CMSS1: variants seen among roughly 807,000 people sequenced by gnomAD.
CMSS1 encodes the protein cms1 ribosomal small subunit homolog.
A neutral mutation model predicts 43.5 loss-of-function variants in CMSS1; 33 were observed. The ratio of observed to expected loss-of-function variants is 0.76; its 90% CI spans 0.57 to 1.01. The LOEUF is 1.01. Among genes scored for constraint, CMSS1 ranks in the 50% least tolerant of loss-of-function variants. The pLI, the probability that CMSS1 is intolerant of heterozygous loss-of-function variation, is 0.00. For synonymous variants in CMSS1, 115 were observed against 117.2 expected, an observed-to-expected ratio of 0.98 and a Z score of 0.12; for missense variants, 313 against 326.4, an observed-to-expected ratio of 0.96 and a Z score of 0.32.
In CMSS1 at chr3:99,829,613, TCTC is replaced by T. The variant is rs556454040; in HGVS notation, c.64+11573_64+11575del. Among the ~76,000 whole-genome samples the T allele has an allele frequency of 3.1e-3, 469 of 152,286 alleles. 4 individuals are homozygous for T. Among genetic ancestry groups the T allele is most frequent in the African/African-American group, 0.011 (443 of 41,544 alleles). On this transcript the variant is annotated intron_variant, in intron 1 of 9. Transcript: ENST00000421999. ...TGAAAATCTAGGATTGGAATTTGAGTCTCCTAACCCCAAGCTTTTGTTGAATCA... is the reference window on the plus strand; with the variant it reads ...TGAAAATCTAGGATTGGAATTTGAGTCTAACCCCAAGCTTTTGTTGAATCA...
intron 1 of CMSS1, among the ~76,000 whole-genome samples, chr3:100,034,024 G>A (rs1050250245): frequency 2.0e-5 from 3 of 152,134 alleles, no homozygotes; most frequent in Non-Finnish European, 4.4e-5. Context: ...AAGAAACATG[G>A]TGCTATTATT....
At chr3:99,955,792 A>G (rs1273738222) in intron 1 of CMSS1, among the ~76,000 whole-genome samples, 4 of 152,292 alleles carry the variant, frequency 2.6e-5, no homozygotes, top group Non-Finnish European at 5.9e-5. Context: ...GGAAGGAAAT[A>G]AGATGGAATT....
intron 1 of CMSS1, among the ~76,000 whole-genome samples, chr3:100,056,959 G>A (rs754883884): frequency 4.6e-5 from 7 of 152,002 alleles, no homozygotes; most frequent in South Asian, 2.1e-4. Context: ...AGCCGAGATC[G>A]CACCACTGCA....
chr3:99,847,089 C>A (rs1943397865), intron 1 of CMSS1, among the ~76,000 whole-genome samples: 1 of 152,132 alleles, frequency 6.6e-6, no homozygotes, highest in Admixed American at 6.5e-5. Context: ...ATAATAATCA[C>A]AGAAGAAATT....
At chr3:100,054,898 G>A (rs1426822145) in intron 1 of CMSS1, among the ~76,000 whole-genome samples, 4 of 152,204 alleles carry the variant, frequency 2.6e-5, no homozygotes, top group African/African-American at 9.6e-5. Context: ...TTAGTCTCAT[G>A]TTATTCTGTT....
chr3:99,840,455 C>A (rs371378949), intron 1 of CMSS1, among the ~76,000 whole-genome samples: 21 of 152,146 alleles, frequency 1.4e-4, no homozygotes, highest in African/African-American at 5.1e-4. Context: ...AACTCCTGAC[C>A]TCATGATCTG....
chr3:100,135,400 G>A (rs1316040904), intron 1 of CMSS1, among the ~76,000 whole-genome samples: 1 of 151,414 alleles, frequency 6.6e-6, no homozygotes, highest in Non-Finnish European at 1.5e-5. Context: ...CCCCTGATGT[G>A]GACTAATGAT....
intron 2 of CMSS1, among the ~76,000 whole-genome samples, chr3:100,154,530 T>A (rs910999944): frequency 6.6e-6 from 1 of 152,232 alleles, no homozygotes; most frequent in Admixed American, 6.5e-5. Flanking sequence ...TTGGTGAGTG[T>A]GTATTGAATA....
chr3:99,850,468 A>T (rs746186263), intron 1 of CMSS1: 1 of 1,613,814 alleles, frequency 6.2e-7, no homozygotes, highest in African/African-American at 1.3e-5. Context: ...CTCCCTTTCA[A>T]GCCTCTTATT....
chr3:100,112,396 T>C (rs140226569), intron 1 of CMSS1, among the ~76,000 whole-genome samples: 137 of 152,310 alleles, frequency 9.0e-4, no homozygotes, highest in African/African-American at 3.1e-3. Flanking sequence ...GGCAGTCTCC[T>C]ACAATAGCAC....
At chr3:100,175,420 G>A (rs899752473) in intron 8 of CMSS1, among the ~76,000 whole-genome samples, 1 of 152,176 alleles carries the variant, frequency 6.6e-6, no homozygotes, top group Non-Finnish European at 1.5e-5. Flanking sequence ...TTTCATTCCA[G>A]AGAGGCTGTA....
intron 1 of CMSS1, among the ~76,000 whole-genome samples, chr3:100,019,399 C>A (rs2064763813): frequency 6.6e-6 from 1 of 152,012 alleles, no homozygotes. Context: ...ACCTCTCAAA[C>A]CTTACCCTTA....
At position 100,162,292 on chromosome 3, in the gene CMSS1, T is replaced by C; in HGVS notation, c.226-11T>C. On this transcript the variant is annotated splice_polypyrimidine_tract_variant and intron_variant, in intron 3 of 9. Coordinates refer to ENST00000421999, the MANE Select transcript of CMSS1 (RefSeq NM_032359.4). Reference sequence around the variant, plus strand: ...TATGTCGTCCCATTTTTCTTCTTTCTCATATCTTAGAAGAAAATTACTGAT... The same window carrying C: ...TATGTCGTCCCATTTTTCTTCTTTCCCATATCTTAGAAGAAAATTACTGAT... 6.2e-7 allele frequency: 1 copy of C among 1,605,308 alleles called. No individual in the cohort carries two copies. Among genetic ancestry groups the C allele is most frequent in the Non-Finnish European group, 8.5e-7 (1 of 1,176,388 alleles).
chr3:99,924,815 C>T (rs1707239376), intron 1 of CMSS1, among the ~76,000 whole-genome samples: 1 of 152,146 alleles, frequency 6.6e-6, no homozygotes, highest in Admixed American at 6.5e-5. Flanking sequence ...AGCCACGGCG[C>T]CCGGCCAGCA....
chr3:99,827,892 C>G (rs1410569175), intron 1 of CMSS1, among the ~76,000 whole-genome samples: 2 of 152,222 alleles, frequency 1.3e-5, no homozygotes, highest in Non-Finnish European at 2.9e-5. Flanking sequence ...GCGTGAGCCA[C>G]CGTGCCTGGC....
At chr3:99,907,499 G>A (rs558979426) in intron 1 of CMSS1, among the ~76,000 whole-genome samples, 4 of 152,112 alleles carry the variant, frequency 2.6e-5, no homozygotes, top group South Asian at 4.1e-4. Context: ...CACCCGCCTC[G>A]GCCTCCCAAA....
intron 9 of CMSS1, among the ~76,000 whole-genome samples, chr3:100,176,985 C>G (rs1331033334): frequency 6.6e-6 from 1 of 152,118 alleles, no homozygotes; most frequent in Non-Finnish European, 1.5e-5. Flanking sequence ...CCATTATCAT[C>G]ATAATGTGAA....
intron 1 of CMSS1, among the ~76,000 whole-genome samples, chr3:99,929,202 A>G (rs186132142): frequency 4.5e-4 from 69 of 152,354 alleles, no homozygotes; most frequent in Non-Finnish European, 9.4e-4. Context: ...TCAGCAAGTA[A>G]AAGAGCAAGC....
At chr3:100,173,612 T>TA (rs1329583394) in intron 8 of CMSS1, among the ~76,000 whole-genome samples, 1 of 152,198 alleles carries the variant, frequency 6.6e-6, no homozygotes, top group Non-Finnish European at 1.5e-5. Flanking sequence ...AAGAGATAGT[T>TA]ATGCTGGCCT....
Sources: allele counts gnomAD v4.1 joint callset (sites outside exome capture counted in the v4.1 genomes callset), GRCh38; gene constraint gnomAD v4.1.1; transcripts MANE v1.5; gene names NCBI Gene and HGNC (gene_info 2026-07-23, HGNC 2026-07-21).